AGO3: variants seen among roughly 807,000 people sequenced by gnomAD.
The protein encoded by AGO3 is argonaute RISC catalytic component 3.
AGO3 carries 16 observed loss-of-function variants against 105.5 expected under a neutral mutation model. The observed-to-expected ratio is 0.15, with a 90% CI of 0.10 to 0.23. AGO3 has a LOEUF of 0.23. Ranked by LOEUF, AGO3 falls within the 10% of genes least tolerant of loss-of-function variation. The pLI, the probability that AGO3 is intolerant of heterozygous loss-of-function variation, is 1.00. For missense variants in AGO3, 534 were observed against 1,088.0 expected (o/e 0.49, Z 7.16); for synonymous variants, 340 against 367.3 (o/e 0.93, Z 0.85).
At position 36,070,093 on chromosome 1, in the gene AGO3, C is replaced by T. The variant is rs1643142414; in HGVS notation, c.*14348C>T. 6.6e-6 allele frequency: 1 copy of T among 152,012 alleles called. No individual in the cohort carries two copies. Among genetic ancestry groups the T allele is most frequent in the Non-Finnish European group, 1.5e-5 (1 of 68,006 alleles). The allele number at this position is 152,012 out of a possible 1,614,324, so 9.4% of individuals were successfully genotyped here. On this transcript the variant is annotated 3_prime_UTR_variant, in exon 19 of 19. Transcript: ENST00000373191. ...AAATAATAATAATAAAATACAAATACTTAGAAATTAACTTCGCCTTTGCCT... is the reference window on the plus strand; with the variant it reads ...AAATAATAATAATAAAATACAAATATTTAGAAATTAACTTCGCCTTTGCCT...
intron 17 of AGO3, among the ~76,000 whole-genome samples, chr1:36,047,391 C>A (rs1388793392): frequency 1.3e-5 from 2 of 149,848 alleles, no homozygotes; most frequent in South Asian, 2.1e-4. Flanking sequence ...CAGATTTGAT[C>A]AAGCAGAAGA....
chr1:36,005,780 A>T, intron 6 of AGO3: 1 of 985,426 alleles, frequency 1.0e-6, no homozygotes, highest in South Asian at 4.7e-5. Context: ...ACTCGATCTT[A>T]ACTTCAACTG....
intron 5 of AGO3, chr1:35,992,116 T>TA (rs935960289): frequency 6.6e-6 from 1 of 152,262 alleles, no homozygotes; most frequent in Non-Finnish European, 1.5e-5. Flanking sequence ...GCCTAAAGGA[T>TA]AGCAGTGTGG....
At chr1:35,935,786 A>T (rs890089898) in intron 1 of AGO3, among the ~76,000 whole-genome samples, 32 of 152,372 alleles carry the variant, frequency 2.1e-4, no homozygotes, top group African/African-American at 7.7e-4. Flanking sequence ...TTCTTAAAAT[A>T]CTTGAGGATC....
intron 5 of AGO3, among the ~76,000 whole-genome samples, chr1:36,002,666 A>G (rs1640143065): frequency 6.6e-6 from 1 of 151,820 alleles, no homozygotes; most frequent in Non-Finnish European, 1.5e-5. Context: ...TACCCACAGT[A>G]GCCTCACCAC....
intron 2 of AGO3, among the ~76,000 whole-genome samples, chr1:35,962,541 TC>T (rs1646696946): frequency 7.7e-6 from 1 of 130,688 alleles, no homozygotes. Flanking sequence ...AGACTCCCTC[TC>T]AAAAAAAAAA....
intron 16 of AGO3, among the ~76,000 whole-genome samples, chr1:36,042,129 G>C (rs570520314): frequency 6.6e-6 from 1 of 152,178 alleles, no homozygotes; most frequent in African/African-American, 2.4e-5. Context: ...CTGTTGCCCA[G>C]GCTGGAGTGC....
intron 5 of AGO3, among the ~76,000 whole-genome samples, chr1:35,978,565 A>G (rs1439708626): frequency 6.6e-6 from 1 of 152,132 alleles, no homozygotes; most frequent in Non-Finnish European, 1.5e-5. Flanking sequence ...AGATCATTTG[A>G]AAATATATCT....
chr1:35,953,671 T>G (rs1646513810), intron 2 of AGO3, among the ~76,000 whole-genome samples: 1 of 126,292 alleles, frequency 7.9e-6, no homozygotes, highest in Admixed American at 8.5e-5. Flanking sequence ...CCACCATGCC[T>G]GGCTAATTTT....
rs1557659249 is a variant in AGO3 at position 35,973,505 on chromosome 1, A to G, written c.652A>G (p.Ile218Val). ...TGCCATGTGGAAAATGATGCTTAAT[A>G]TCGATGGTAAGGGAACTAAAGCCAT... ...RPAMWKMMLN[I>V]DVSATAFYKA... is the part of the protein sequence containing the mutation. Residue 218 changes from isoleucine (I) to valine (V), a missense_variant, in exon 5 of 19, where the codon ATC becomes GTC. Physicochemically the swap from Ile to Val is conservative, Grantham distance 29. This residue lies in a region of AGO3 where 373 missense variants were observed against 854.0 expected (regional missense o/e 0.44). Transcript: ENST00000373191. The G allele has an allele frequency of 2.5e-6, 4 of 1,577,438 alleles. No individual in the cohort carries two copies. The highest frequency in any genetic ancestry group is 2.6e-6 in the Non-Finnish European group (3 of 1,157,612).
chr1:35,962,868 AG>A (rs1213435439), intron 2 of AGO3, among the ~76,000 whole-genome samples: 1 of 152,238 alleles, frequency 6.6e-6, no homozygotes, highest in Non-Finnish European at 1.5e-5. Context: ...ATACCTCAAA[AG>A]CTTGAAGTCA....
chr1:36,040,501 A>G (rs1057077659), intron 16 of AGO3, 60 bp downstream of exon 16: 9 of 1,575,442 alleles, frequency 5.7e-6, no homozygotes, highest in Admixed American at 1.8e-5. Flanking sequence ...TAGTTCATAG[A>G]GCATTCAACA....
chr1:36,020,362 G>T (rs1269781596), intron 11 of AGO3, among the ~76,000 whole-genome samples: 2 of 152,092 alleles, frequency 1.3e-5, no homozygotes. Context: ...TGAAAATCTG[G>T]CCAAGTATTT....
chr1:36,020,740 C>T (rs1250260011), intron 11 of AGO3, among the ~76,000 whole-genome samples: 6 of 152,122 alleles, frequency 3.9e-5, no homozygotes, highest in African/African-American at 1.4e-4. Context: ...CTCAGATTCC[C>T]GAGTAGCTGG....
intron 5 of AGO3, 166 bp from the exon 6 acceptor site, chr1:36,004,175 G>T: frequency 1.9e-6 from 1 of 523,270 alleles, no homozygotes; most frequent in South Asian, 4.2e-5. Flanking sequence ...TTGTATTTGT[G>T]CCTCAGAGGT....
At chr1:36,038,005 T>A (rs533801270) in intron 14 of AGO3, among the ~76,000 whole-genome samples, 1 of 152,200 alleles carries the variant, frequency 6.6e-6, no homozygotes, top group Non-Finnish European at 1.5e-5. Context: ...TGGTTGATTC[T>A]TTTTCACTAT....
chr1:35,932,721 T>C (rs1366398423), intron 1 of AGO3, among the ~76,000 whole-genome samples: 1 of 152,196 alleles, frequency 6.6e-6, no homozygotes, highest in Non-Finnish European at 1.5e-5. Context: ...TTGATTTGTG[T>C]ATTTCTGAAA....
Position 35,931,148 on chromosome 1 carries a change from C to G in AGO3, c.-279C>G, listed in dbSNP as rs996188657. ...CGCAGTCGTGGAGGAGCGGTGGGAGCGTCGGCGGCCGCGGGCGATGCAACT... is the reference window on the plus strand; with the variant it reads ...CGCAGTCGTGGAGGAGCGGTGGGAGGGTCGGCGGCCGCGGGCGATGCAACT... On this transcript the variant is annotated 5_prime_UTR_variant, in exon 1 of 19. Coordinates refer to ENST00000373191, the MANE Select transcript of AGO3 (RefSeq NM_024852.4). 1.5e-5 allele frequency: 6 copies of G among 397,310 alleles called. No individual in the cohort carries two copies. The highest frequency in any genetic ancestry group is 2.2e-5 in the Non-Finnish European group (5 of 225,256). 24.6% of individuals were successfully genotyped at this position (397,310 alleles called of 1,614,324 possible).
intron 11 of AGO3, among the ~76,000 whole-genome samples, chr1:36,016,810 GATCT>G (rs929000546): frequency 1.3e-5 from 2 of 152,056 alleles, no homozygotes; most frequent in Admixed American, 6.6e-5. Flanking sequence ...TCTATTTTAG[GATCT>G]ATCTCTTTCT....
Sources: allele counts gnomAD v4.1 joint callset (sites outside exome capture counted in the v4.1 genomes callset), GRCh38; gene constraint gnomAD v4.1.1; regional missense constraint gnomAD v4.1.1; transcripts MANE v1.5; gene names NCBI Gene and HGNC (gene_info 2026-07-23, HGNC 2026-07-21).